IL1RAP: variants seen among roughly 807,000 people sequenced by gnomAD.
IL1RAP encodes interleukin-1 receptor accessory protein.
Under a neutral mutation model 60.7 loss-of-function variants are expected in IL1RAP, and 35 were observed. That is an observed-to-expected ratio of 0.58 (90% CI 0.44 to 0.76). The LOEUF (loss-of-function observed/expected upper bound fraction) is 0.76. IL1RAP is among the 30% of genes least tolerant of loss of function. IL1RAP has a pLI of 0.00. For missense variants in IL1RAP, 572 were observed against 693.9 expected (o/e 0.82, Z 1.97); for synonymous variants, 268 against 250.9 (o/e 1.07, Z -0.64).
At chr3:190,590,018 C>T (rs1044526656) in intron 3 of IL1RAP, among the ~76,000 whole-genome samples, 25 of 152,198 alleles carry the variant, frequency 1.6e-4, no homozygotes, top group African/African-American at 5.3e-4. Context: ...CCTTTCTCTG[C>T]TGATTCTCTT....
intron 9 of IL1RAP, among the ~76,000 whole-genome samples, chr3:190,641,753 G>C (rs964091544): frequency 6.6e-6 from 1 of 152,158 alleles, no homozygotes; most frequent in Non-Finnish European, 1.5e-5. Context: ...TGTTCATCCA[G>C]AGAGAGCCAA....
chr3:190,531,162 G>A (rs1722951954), intron 1 of IL1RAP, among the ~76,000 whole-genome samples: 1 of 151,954 alleles, frequency 6.6e-6, no homozygotes, highest in Non-Finnish European at 1.5e-5. Context: ...GAGGTGGGAG[G>A]GTCCCTTGAG....
At chr3:190,647,838 C>A (rs1055883125) in intron 11 of IL1RAP, among the ~76,000 whole-genome samples, 35 of 152,154 alleles carry the variant, frequency 2.3e-4, no homozygotes, top group African/African-American at 7.7e-4. Flanking sequence ...ACTTTGTTGT[C>A]CTGTCCTAGC....
intron 5 of IL1RAP, among the ~76,000 whole-genome samples, chr3:190,612,652 T>C (rs1384265122): frequency 6.6e-6 from 1 of 152,210 alleles, no homozygotes; most frequent in Non-Finnish European, 1.5e-5. Context: ...TTAAGATTTT[T>C]CAACTTGATC....
chr3:190,609,299 G>A (rs546504212), intron 5 of IL1RAP, 118 bp downstream of exon 5: 29 of 644,878 alleles, frequency 4.5e-5, no homozygotes, highest in Middle Eastern at 4.3e-4. Context: ...GATCTATTCC[G>A]TAATAGCTTT....
In IL1RAP at chr3:190,648,545, A is replaced by G; in HGVS notation, c.1553A>G (p.Lys518Arg). The stretch of plus-strand genomic sequence containing the variant: ...AAGGTGAAAGAGCTGAAGAGGGCTA[A>G]GACGGTGCTCACGGTCATTAAATGG... Reference protein sequence around the residue: ...ETKVKELKRAKTVLTVIKWKG... With the variant: ...ETKVKELKRARTVLTVIKWKG... The change falls in exon 12 of 12, where the codon AAG (lysine) becomes AGG (arginine). Residue 518 changes from lysine to arginine, a missense_variant. Physicochemically the swap from Lys to Arg is conservative, Grantham distance 26. Transcript: ENST00000447382. 1 of 1,614,166 alleles carries G rather than the reference A, an allele frequency of 6.2e-7. No homozygotes were observed. The highest frequency in any genetic ancestry group is 1.1e-5 in the South Asian group (1 of 91,086).
chr3:190,597,572 T>C (rs1175930880), intron 3 of IL1RAP, among the ~76,000 whole-genome samples: 1 of 152,080 alleles, frequency 6.6e-6, no homozygotes, highest in Non-Finnish European at 1.5e-5. Flanking sequence ...ATGCTGGGGA[T>C]TTCAGGCTCT....
At chr3:190,656,187 T>A, downstream of IL1RAP, 1 of 1,537,210 alleles carries the variant, frequency 6.5e-7, no homozygotes, top group East Asian at 2.4e-5. Flanking sequence ...CCCTGAGAAG[T>A]CTGAGTGCCA....
At chr3:190,516,982 G>A (rs1200467043) in intron 1 of IL1RAP, among the ~76,000 whole-genome samples, 1 of 152,164 alleles carries the variant, frequency 6.6e-6, no homozygotes, top group East Asian at 1.9e-4. Context: ...ATCACACTCT[G>A]TTTCCTCGCC....
chr3:190,648,564 TA>T lies in IL1RAP; in HGVS notation c.1575del (p.Lys525AsnfsTer24), dbSNP rs1560245307. 2 of 1,614,086 alleles carry T rather than the reference TA, an allele frequency of 1.2e-6. No homozygotes were observed. The highest frequency in any genetic ancestry group is 1.7e-6 in the Non-Finnish European group (2 of 1,180,032). Reference sequence around the variant, plus strand: ...GGGCTAAGACGGTGCTCACGGTCATTAAATGGAAAGGGGAAAAATCCAAGTA... The same window carrying T: ...GGGCTAAGACGGTGCTCACGGTCATTAATGGAAAGGGGAAAAATCCAAGTA... The part of the protein sequence containing the change: ...KRAKTVLTVI[K>X]WKGEKSKYPQ... On this transcript the variant is annotated frameshift_variant, in exon 12 of 12. Coordinates refer to ENST00000447382, the MANE Select transcript of IL1RAP (RefSeq NM_002182.4). LOFTEE classifies it high-confidence loss of function.
chr3:190,545,009 C>T (rs1356376492), intron 1 of IL1RAP, among the ~76,000 whole-genome samples: 1 of 152,106 alleles, frequency 6.6e-6, no homozygotes, highest in African/African-American at 2.4e-5. Context: ...TCAGGAGACT[C>T]GAATTAAGTA....
In IL1RAP at chr3:190,627,397, A is replaced by C. The variant is rs1732398484; in HGVS notation, c.850A>C (p.Ile284Leu). ...TTCTCGCAATGAGGTTTGGTGGACC[A>C]TTGATGGAAAAAAACCTGATGACAT... ...MDSRNEVWWT[I>L]DGKKPDDITI... Residue 284 changes from isoleucine to leucine, a missense_variant, in exon 8 of 12, where the codon ATT becomes CTT. Transcript: ENST00000447382. 6.2e-7 allele frequency: 1 copy of C among 1,613,276 alleles called. No individual in the cohort carries two copies.
At chr3:190,524,895 C>T (rs2108519609) in intron 1 of IL1RAP, among the ~76,000 whole-genome samples, 1 of 152,132 alleles carries the variant, frequency 6.6e-6, no homozygotes, top group Non-Finnish European at 1.5e-5. Flanking sequence ...CATTTACACA[C>T]ATACATATAC....
intron 1 of IL1RAP, among the ~76,000 whole-genome samples, chr3:190,526,323 T>A (rs1039381586): frequency 6.6e-6 from 1 of 152,220 alleles, no homozygotes; most frequent in African/African-American, 2.4e-5. Context: ...TATTGGAAAT[T>A]GAGCAAGCTT....
At chr3:190,652,337 C>T (rs1178645549), downstream of IL1RAP, among the ~76,000 whole-genome samples, 1 of 151,902 alleles carries the variant, frequency 6.6e-6, no homozygotes, top group Non-Finnish European at 1.5e-5. Flanking sequence ...TGGTGCACGC[C>T]TGTAGTCCCA....
At chr3:190,620,690 A>G (rs1731703025) in intron 6 of IL1RAP, among the ~76,000 whole-genome samples, 2 of 152,224 alleles carry the variant, frequency 1.3e-5, no homozygotes, top group South Asian at 4.1e-4. Flanking sequence ...AAGGAGCACC[A>G]GACAGATCTG....
intron 9 of IL1RAP, among the ~76,000 whole-genome samples, chr3:190,639,873 C>A (rs937017638): frequency 6.6e-6 from 1 of 152,166 alleles, no homozygotes; most frequent in Non-Finnish European, 1.5e-5. Flanking sequence ...TACCTGAAGT[C>A]TCTAATTAAT....
At chr3:190,529,051 C>T (rs1351730736) in intron 1 of IL1RAP, among the ~76,000 whole-genome samples, 1 of 152,224 alleles carries the variant, frequency 6.6e-6, no homozygotes, top group African/African-American at 2.4e-5. Flanking sequence ...GGGCTGTTGC[C>T]TCTGCCTGTG....
At chr3:190,623,103 GGATTTAGGAGCC>G (rs1235799649) in intron 6 of IL1RAP, among the ~76,000 whole-genome samples, 5 of 152,126 alleles carry the variant, frequency 3.3e-5, no homozygotes, top group African/African-American at 1.2e-4. Flanking sequence ...AAATCACAGG[GGATTTAGGAGCC>G]CATGTCAGGA....
Sources: allele counts gnomAD v4.1 joint callset (sites outside exome capture counted in the v4.1 genomes callset), GRCh38; gene constraint gnomAD v4.1.1; transcripts MANE v1.5; gene names NCBI Gene and HGNC (gene_info 2026-07-23, HGNC 2026-07-21).